Variants in RCAN1 observed in about 807,000 individuals in gnomAD.
The protein encoded by RCAN1 is calcipressin-1.
Under a neutral mutation model 22.9 loss-of-function variants are expected in RCAN1, and 11 were observed. The observed-to-expected ratio is 0.48, with a 90% CI of 0.30 to 0.79. The LOEUF is 0.79. RCAN1 is among the 30% of genes least tolerant of loss of function. The pLI is 0.06. For synonymous variants in RCAN1, 136 were observed against 142.3 expected (o/e 0.96, Z 0.32); for missense variants, 291 against 337.8 (o/e 0.86, Z 1.09).
At chr21:34,600,041 C>G (rs1011176843) in intron 1 of RCAN1, among the ~76,000 whole-genome samples, 2 of 152,126 alleles carry the variant, frequency 1.3e-5, no homozygotes, top group African/African-American at 4.8e-5. Flanking sequence ...GAACTGGCCC[C>G]AACAACCAAG....
chr21:34,610,025 C>A (rs767310704), intron 1 of RCAN1, among the ~76,000 whole-genome samples: 1 of 152,178 alleles, frequency 6.6e-6, no homozygotes, highest in African/African-American at 2.4e-5. Flanking sequence ...AAACCGCATG[C>A]CTCACCCTCA....
chr21:34,591,524 C>T (rs1377480669), intron 1 of RCAN1, among the ~76,000 whole-genome samples: 17 of 152,088 alleles, frequency 1.1e-4, no homozygotes, highest in Admixed American at 1.1e-3. Flanking sequence ...CAACCAGCCA[C>T]GCTAGGGACA....
intron 1 of RCAN1, among the ~76,000 whole-genome samples, chr21:34,570,356 G>GC (rs2123681447): frequency 6.6e-6 from 1 of 152,344 alleles, no homozygotes; most frequent in African/African-American, 2.4e-5. Context: ...AAAGACTAGA[G>GC]TGATTTGCTT....
At chr21:34,556,613 A>G (rs1312849068) in intron 1 of RCAN1, among the ~76,000 whole-genome samples, 1 of 152,180 alleles carries the variant, frequency 6.6e-6, no homozygotes, top group Non-Finnish European at 1.5e-5. Context: ...CTCTGATGAT[A>G]CTAAAAATAT....
intron 1 of RCAN1, among the ~76,000 whole-genome samples, chr21:34,528,034 T>C (rs1205288854): frequency 6.6e-6 from 1 of 152,184 alleles, no homozygotes; most frequent in Non-Finnish European, 1.5e-5. Context: ...TTTAGATCCC[T>C]ATGGCAGCCT....
intron 1 of RCAN1, among the ~76,000 whole-genome samples, chr21:34,592,121 G>A (rs1371590944): frequency 6.6e-6 from 1 of 152,234 alleles, no homozygotes; most frequent in Non-Finnish European, 1.5e-5. Context: ...ACAGACGAAA[G>A]AAAAATGATG....
At position 34,614,663 on chromosome 21, in the gene RCAN1, C is replaced by T; in HGVS notation, c.252+97G>A. On this transcript the variant is annotated intron_variant, in intron 1 of 3. Transcript: ENST00000313806. The surrounding 1 kb of genome is among the most constrained non-coding windows in gnomAD (Gnocchi z 6.0). ...GGGGGACGTCGCTGCCTCCCCGCCC[C>T]GCGCGCGGCCGGGACTGGGCGCTGC... 4 of 1,173,446 alleles carry T rather than the reference C, an allele frequency of 3.4e-6. No individual in the cohort carries two copies. Among genetic ancestry groups the T allele is most frequent in the Admixed American group, 4.7e-5 (1 of 21,270 alleles). 72.7% of individuals were successfully genotyped at this position (1,173,446 alleles called of 1,614,324 possible). A position where few individuals can be genotyped will look rare whatever the true frequency, so the allele number is the denominator to read the frequency against.
Position 34,594,774 on chromosome 21 carries a change from C to T in RCAN1, c.252+19986G>A, listed in dbSNP as rs564406726. Among the ~76,000 whole-genome samples the T allele has an allele frequency of 2.1e-3, 323 of 152,320 alleles. 1 individual carries two copies. The highest frequency in any genetic ancestry group is 3.3e-3 in the Non-Finnish European group (227 of 68,032). ...GCAGGTGTTGCATCGGAATCCCAAGCAGGCACTGGCCCCCATACAAACTCG... is the reference window on the plus strand; with the variant it reads ...GCAGGTGTTGCATCGGAATCCCAAGTAGGCACTGGCCCCCATACAAACTCG... On this transcript the variant is annotated intron_variant, in intron 1 of 3. Coordinates refer to ENST00000313806, the MANE Select transcript of RCAN1 (RefSeq NM_004414.7).
intron 1 of RCAN1, among the ~76,000 whole-genome samples, chr21:34,538,346 C>G (rs1568894524): frequency 6.6e-6 from 1 of 152,086 alleles, no homozygotes; most frequent in Non-Finnish European, 1.5e-5. Context: ...CCTGTTTCAC[C>G]CATTTAAGAA....
intron 1 of RCAN1, among the ~76,000 whole-genome samples, chr21:34,539,434 G>T (rs1985824397): frequency 6.6e-6 from 1 of 152,298 alleles, no homozygotes; most frequent in East Asian, 1.9e-4. Context: ...TCTCATTTTG[G>T]TGAAAAGAAA....
intron 1 of RCAN1, among the ~76,000 whole-genome samples, chr21:34,578,804 C>A (rs182872349): frequency 6.6e-6 from 1 of 152,242 alleles, no homozygotes; most frequent in African/African-American, 2.4e-5. Flanking sequence ...AAATACAGCG[C>A]CCAACAGAGT....
intron 1 of RCAN1, among the ~76,000 whole-genome samples, chr21:34,552,837 G>A (rs1986417637): frequency 6.6e-6 from 1 of 152,174 alleles, no homozygotes; most frequent in Non-Finnish European, 1.5e-5. Context: ...CCCTCCATGG[G>A]CAATTTTAGT....
At chr21:34,537,614 G>A (rs559155808) in intron 1 of RCAN1, among the ~76,000 whole-genome samples, 1 of 152,332 alleles carries the variant, frequency 6.6e-6, no homozygotes, top group African/African-American at 2.4e-5. Flanking sequence ...GATGGCTGCT[G>A]GCTGACCAGC....
chr21:34,521,030 T>G, intron 3 of RCAN1: 1 of 1,131,560 alleles, frequency 8.8e-7, no homozygotes. Context: ...CCATGGCCTA[T>G]GGTTCTCCTT....
chr21:34,568,140 G>A (rs962782635), intron 1 of RCAN1, among the ~76,000 whole-genome samples: 7 of 152,170 alleles, frequency 4.6e-5, no homozygotes, highest in South Asian at 2.1e-4. Flanking sequence ...AAGGAAGCCC[G>A]AAGTGCACAT....
At chr21:34,583,445 T>G (rs921197454) in intron 1 of RCAN1, among the ~76,000 whole-genome samples, 2 of 152,094 alleles carry the variant, frequency 1.3e-5, no homozygotes, top group African/African-American at 2.4e-5. Context: ...AGATAGGGCC[T>G]TTAAAGAGGC....
intron 1 of RCAN1, chr21:34,525,399 G>A (rs1182261174): frequency 6.2e-6 from 9 of 1,440,204 alleles, no homozygotes; most frequent in Middle Eastern, 5.1e-4. Flanking sequence ...CGGAGCTGGC[G>A]GACGGTAGAG....
intron 1 of RCAN1, among the ~76,000 whole-genome samples, chr21:34,575,287 G>A (rs1033280762): frequency 1.3e-5 from 2 of 152,166 alleles, no homozygotes; most frequent in South Asian, 2.1e-4. Flanking sequence ...CATCTGGAGC[G>A]GCTATGCTCA....
intron 1 of RCAN1, among the ~76,000 whole-genome samples, chr21:34,562,503 C>T (rs1277565908): frequency 6.6e-6 from 1 of 152,156 alleles, no homozygotes; most frequent in East Asian, 1.9e-4. Context: ...ATGGGTGGTG[C>T]CACCTCAGTC....
Sources: gnomAD v4.1 joint callset for allele counts (sites outside exome capture counted in the v4.1 genomes callset) on GRCh38, gnomAD v4.1.1 for gene constraint, Gnocchi (gnomAD v3.1) non-coding constraint, MANE v1.5 for transcripts, NCBI Gene and HGNC (gene_info 2026-07-23, HGNC 2026-07-21) for gene names.